SGK3: variants seen among roughly 807,000 people sequenced by gnomAD.
SGK3 encodes serum/glucocorticoid regulated kinase family member 3, also known as serine/threonine-protein kinase Sgk3.
SGK3 carries 47 observed loss-of-function variants against 68.5 expected under a neutral mutation model. That is an observed-to-expected ratio of 0.69 (90% CI 0.54 to 0.87). The LOEUF (loss-of-function observed/expected upper bound fraction) is 0.87. Ranked by LOEUF, SGK3 falls within the 40% of genes least tolerant of loss-of-function variation. The pLI is 0.00. For synonymous variants in SGK3, 181 were observed against 189.1 expected (o/e 0.96, Z 0.35); for missense variants, 479 against 575.5 (o/e 0.83, Z 1.72).
intron 16 of SGK3, among the ~76,000 whole-genome samples, chr8:66,853,980 C>T (rs897642328): frequency 1.3e-5 from 2 of 152,072 alleles, no homozygotes; most frequent in African/African-American, 2.4e-5. Context: ...CAAAATAAGC[C>T]GTATTTAGGT....
intron 5 of SGK3, among the ~76,000 whole-genome samples, chr8:66,820,665 A>C (rs1189493870): frequency 6.6e-6 from 1 of 152,094 alleles, no homozygotes; most frequent in Non-Finnish European, 1.5e-5. Flanking sequence ...TTTTACATTT[A>C]CACCAGTCCA....
chr8:66,839,171 C>G (rs936627622), intron 10 of SGK3, among the ~76,000 whole-genome samples: 4 of 152,032 alleles, frequency 2.6e-5, no homozygotes, highest in Admixed American at 2.0e-4. Flanking sequence ...TGGAATTCAC[C>G]AAGACTCAAG....
intron 3 of SGK3, among the ~76,000 whole-genome samples, chr8:66,799,961 T>C (rs1807862717): frequency 6.6e-6 from 1 of 152,150 alleles, no homozygotes; most frequent in Non-Finnish European, 1.5e-5. Context: ...TCTCATGTAA[T>C]AGTAAATAGG....
chr8:66,845,911 A>G (rs1809993400), intron 14 of SGK3, among the ~76,000 whole-genome samples: 1 of 151,940 alleles, frequency 6.6e-6, no homozygotes, highest in Non-Finnish European at 1.5e-5. Context: ...CAACAAGCAT[A>G]TATTACTTTT....
Position 66,859,404 on chromosome 8 carries a change from G to A in SGK3, c.1321-7G>A, listed in dbSNP as rs113940082. The A allele has an allele frequency of 6.3e-7, 1 of 1,596,262 alleles. No homozygotes were observed. Among genetic ancestry groups the A allele is most frequent in the South Asian group, 1.1e-5 (1 of 88,206 alleles). On this transcript the variant is annotated splice_region_variant and splice_polypyrimidine_tract_variant and intron_variant, in intron 16 of 16. Coordinates refer to ENST00000521198, the MANE Select transcript of SGK3 (RefSeq NM_001033578.3). ...AGGTGAATAATACTGTGCTTTTGAT[G>A]TTTTAGGCTGGACCAGATGATATCA...
intron 1 of SGK3, among the ~76,000 whole-genome samples, chr8:66,736,003 G>T (rs1805306526): frequency 6.6e-6 from 1 of 152,160 alleles, no homozygotes; most frequent in South Asian, 2.1e-4. Flanking sequence ...CCATTGTTAT[G>T]TGTAGAAGTA....
chr8:66,805,894 C>T (rs1808138876), intron 4 of SGK3, among the ~76,000 whole-genome samples: 1 of 152,198 alleles, frequency 6.6e-6, no homozygotes, highest in Admixed American at 6.5e-5. Context: ...TCTAAGGTCC[C>T]TTATATTGAG....
chr8:66,820,889 G>T lies in SGK3; in HGVS notation c.330-1483G>T, dbSNP rs1808784298. ...TGGGGTTTTTTATTTTATTTTTTGT[G>T]GAGACAGAGTCTTGCTATGTTGCCC... On this transcript the variant is annotated intron_variant, in intron 5 of 16. Transcript: ENST00000521198. Among the ~76,000 whole-genome samples the T allele has an allele frequency of 2.0e-5, 3 of 151,744 alleles. No homozygotes were observed. In the South Asian group the frequency reaches 6.2e-4, roughly 32 times the overall value.
intron 6 of SGK3, among the ~76,000 whole-genome samples, chr8:66,827,751 C>T (rs1231809762): frequency 6.6e-6 from 1 of 151,958 alleles, no homozygotes; most frequent in Non-Finnish European, 1.5e-5. Context: ...TAAATTAATA[C>T]CAGGGCTTAA....
At chr8:66,774,054 C>T (rs1042109810) in intron 1 of SGK3, among the ~76,000 whole-genome samples, 5 of 152,148 alleles carry the variant, frequency 3.3e-5, no homozygotes, top group African/African-American at 1.2e-4. Flanking sequence ...GACAATACTT[C>T]CCTGCATCCT....
chr8:66,791,518 C>T (rs1367559523), intron 1 of SGK3, among the ~76,000 whole-genome samples: 1 of 152,166 alleles, frequency 6.6e-6, no homozygotes, highest in Non-Finnish European at 1.5e-5. Context: ...TTACAGGAGA[C>T]AAGTTGTCCT....
chr8:66,752,089 A>G (rs1305241988), intron 1 of SGK3, among the ~76,000 whole-genome samples: 3 of 152,136 alleles, frequency 2.0e-5, no homozygotes, highest in African/African-American at 2.4e-5. Context: ...TGAAAGGTCA[A>G]TCTTTGAAGG....
intron 1 of SGK3, among the ~76,000 whole-genome samples, chr8:66,748,593 C>T (rs1805716169): frequency 3.3e-5 from 5 of 152,158 alleles, no homozygotes. Flanking sequence ...TGGACCTGAC[C>T]TCGTGCTCAT....
In SGK3 at chr8:66,793,955, T is replaced by C. The variant is rs1807569354; in HGVS notation, c.96+123T>C. 8 of 1,023,564 alleles carry C rather than the reference T, an allele frequency of 7.8e-6. No individual in the cohort carries two copies. In the South Asian group the frequency reaches 9.4e-5, roughly 12 times the overall value. 63.4% of individuals were successfully genotyped at this position (1,023,564 alleles called of 1,614,324 possible). A position where few individuals can be genotyped will look rare whatever the true frequency, so the allele number is the denominator to read the frequency against. On this transcript the variant is annotated intron_variant, in intron 2 of 16. Coordinates refer to ENST00000521198, the MANE Select transcript of SGK3 (RefSeq NM_001033578.3). ...TCTCCACATACCTAGATTTTACTTC[T>C]TTCACATGATCTGTTCTCCACAAAG...
intron 16 of SGK3, among the ~76,000 whole-genome samples, chr8:66,854,712 A>G (rs1161890946): frequency 6.6e-6 from 1 of 152,198 alleles, no homozygotes; most frequent in Non-Finnish European, 1.5e-5. Context: ...GCATATTAGT[A>G]CCAGGACATA....
intron 1 of SGK3, among the ~76,000 whole-genome samples, chr8:66,731,575 C>G (rs1563599162): frequency 6.6e-6 from 1 of 152,050 alleles, no homozygotes; most frequent in Non-Finnish European, 1.5e-5. Flanking sequence ...TGCTCTGTTG[C>G]CCAGACTGGA....
chr8:66,819,506 A>G, intron 5 of SGK3, among the ~76,000 whole-genome samples: 1 of 152,250 alleles, frequency 6.6e-6, no homozygotes. Flanking sequence ...TTTTTAGTAC[A>G]TTCATGTTAT....
intron 1 of SGK3, among the ~76,000 whole-genome samples, chr8:66,754,458 G>GCAAATTTT (rs1451354888): frequency 6.6e-6 from 1 of 152,084 alleles, no homozygotes; most frequent in African/African-American, 2.4e-5. Context: ...TGATTTGCTG[G>GCAAATTTT]GACAGGTTGA....
chr8:66,801,424 A>G (rs747081542), intron 3 of SGK3, among the ~76,000 whole-genome samples: 19 of 152,304 alleles, frequency 1.2e-4, no homozygotes, highest in Non-Finnish European at 2.2e-4. Context: ...AATATCTTTC[A>G]TAAGTTTTTA....
Sources: allele counts gnomAD v4.1 joint callset (sites outside exome capture counted in the v4.1 genomes callset), GRCh38; gene constraint gnomAD v4.1.1; transcripts MANE v1.5; gene names NCBI Gene and HGNC (gene_info 2026-07-23, HGNC 2026-07-21).